Variants in MOK observed in about 807,000 individuals in gnomAD.
The protein encoded by MOK is MOK protein kinase.
MOK carries 59 observed loss-of-function variants against 54.2 expected under a neutral mutation model. The observed-to-expected ratio is 1.09, with a 90% CI of 0.88 to 1.35. The LOEUF is 1.35. Among genes scored for constraint, MOK ranks in the 40% most tolerant of loss-of-function variants. The pLI, the probability that MOK is intolerant of heterozygous loss-of-function variation, is 0.00. For missense variants in MOK, 517 were observed against 526.2 expected (o/e 0.98, Z 0.17); for synonymous variants, 210 against 202.7 (o/e 1.04, Z -0.31).
intron 3 of MOK, among the ~76,000 whole-genome samples, chr14:102,264,990 T>C (rs1363894133): frequency 2.0e-5 from 3 of 152,216 alleles, no homozygotes; most frequent in Admixed American, 6.5e-5. Context: ...GGAAGAAGGC[T>C]TCCCAGGCTC....
At chr14:102,291,899 A>T (rs902203868) in intron 1 of MOK, among the ~76,000 whole-genome samples, 1 of 151,842 alleles carries the variant, frequency 6.6e-6, no homozygotes. Context: ...CGGAGGTTGC[A>T]GTGAGCCGAG....
chr14:102,242,012 G>A (rs529238124), intron 7 of MOK, among the ~76,000 whole-genome samples: 1 of 152,120 alleles, frequency 6.6e-6, no homozygotes, highest in Non-Finnish European at 1.5e-5. Flanking sequence ...TGTCCAACTC[G>A]CCCAGCAGCC....
chr14:102,296,167 A>G (rs1597624609), intron 1 of MOK, among the ~76,000 whole-genome samples: 1 of 150,188 alleles, frequency 6.7e-6, no homozygotes. Flanking sequence ...AATCGCTTGA[A>G]CCCAGAAGGT....
intron 7 of MOK, among the ~76,000 whole-genome samples, chr14:102,248,540 A>G (rs530477220): frequency 2.6e-5 from 4 of 152,098 alleles, no homozygotes; most frequent in Non-Finnish European, 5.9e-5. Context: ...GCACTTTGGG[A>G]GGCTGAGGCG....
chr14:102,218,883 G>A, the MOK span, among the ~76,000 whole-genome samples: 32 of 152,244 alleles, frequency 2.1e-4, no homozygotes, highest in Non-Finnish European at 4.6e-4. Flanking sequence ...GCTCCCGCAC[G>A]CTGCTGAGCA....
chr14:102,300,323 C>CAAAAA (rs71468398), intron 1 of MOK, among the ~76,000 whole-genome samples: 16 of 38,442 alleles, frequency 4.2e-4, no homozygotes, highest in East Asian at 3.0e-3. Flanking sequence ...AACTCTATCT[C>CAAAAA]AAAAAAAAAA....
At chr14:102,271,474 A>C (rs1313523522) in intron 2 of MOK, among the ~76,000 whole-genome samples, 1 of 152,236 alleles carries the variant, frequency 6.6e-6, no homozygotes. Context: ...AAATACTCTT[A>C]CACAAACTTT....
the MOK span, among the ~76,000 whole-genome samples, chr14:102,217,616 A>AT: frequency 2.3e-4 from 34 of 146,598 alleles, 1 homozygote; most frequent in Admixed American, 1.8e-3. Flanking sequence ...GGCTGGGCCC[A>AT]GGGTTCCCGG....
In MOK at chr14:102,288,897, C is replaced by CTTTGT. The variant is rs569165491; in HGVS notation, c.8-5310_8-5306dup. ...CTTGTATACTTAAATGTAAGTGCAGCTTTGTTTTGTTTTGTTTTGTTTTGA... is the reference window on the plus strand; with the variant it reads ...CTTGTATACTTAAATGTAAGTGCAGCTTTGTTTTGTTTTGTTTTGTTTTGTTTTGA... On this transcript the variant is annotated intron_variant, in intron 1 of 11. Coordinates refer to ENST00000361847, the MANE Select transcript of MOK (RefSeq NM_014226.3). Among the ~76,000 whole-genome samples the CTTTGT allele has an allele frequency of 1.8e-3, 269 of 152,094 alleles. 1 individual carries two copies. Among genetic ancestry groups the CTTTGT allele is most frequent in the African/African-American group, 5.8e-3 (240 of 41,512 alleles).
chr14:102,288,714 T>G (rs1245994932), intron 1 of MOK, among the ~76,000 whole-genome samples: 1 of 152,180 alleles, frequency 6.6e-6, no homozygotes, highest in Non-Finnish European at 1.5e-5. Flanking sequence ...TTTCAATAAC[T>G]CCATTAAAAC....
intron 4 of MOK, among the ~76,000 whole-genome samples, chr14:102,258,136 G>A (rs2067117212): frequency 1.3e-5 from 2 of 152,298 alleles, no homozygotes; most frequent in East Asian, 3.9e-4. Context: ...GGTCTTCTGT[G>A]ATCGTTTTGG....
At chr14:102,281,356 G>A (rs2069409460) in intron 2 of MOK, among the ~76,000 whole-genome samples, 1 of 151,354 alleles carries the variant, frequency 6.6e-6, no homozygotes, top group African/African-American at 2.4e-5. Context: ...AATTATCTAG[G>A]CATTTGGTGG....
At chr14:102,216,890 G>A in the MOK span, among the ~76,000 whole-genome samples, 1 of 150,606 alleles carries the variant, frequency 6.6e-6, no homozygotes, top group Non-Finnish European at 1.5e-5. Flanking sequence ...TCGAGATGGC[G>A]CCACTGCACT....
Position 102,294,266 on chromosome 14 carries a change from G to GA in MOK, c.8-10675dup, listed in dbSNP as rs537676533. Among the ~76,000 whole-genome samples, 1,145 of 152,236 alleles carry GA rather than the reference G, an allele frequency of 7.5e-3. 17 individuals carry two copies. The highest frequency in any genetic ancestry group is 0.031 in the South Asian group (150 of 4,822). ...TCAACACCATCCTGGCTAACATGGTGAAACCCCGTCTCTACTAAAAATACA... is the reference window on the plus strand; with the variant it reads ...TCAACACCATCCTGGCTAACATGGTGAAAACCCCGTCTCTACTAAAAATACA... On this transcript the variant is annotated intron_variant, in intron 1 of 11. Coordinates refer to ENST00000361847, the MANE Select transcript of MOK (RefSeq NM_014226.3).
intron 7 of MOK, 32 bp from the exon 8 acceptor site, chr14:102,233,821 G>T: frequency 6.5e-7 from 1 of 1,527,826 alleles, no homozygotes; most frequent in Non-Finnish European, 9.1e-7. Context: ...TGTGGTCAGT[G>T]TTAGGGCAGA....
At chr14:102,299,280 G>A (rs759451128) in intron 1 of MOK, among the ~76,000 whole-genome samples, 4 of 152,086 alleles carry the variant, frequency 2.6e-5, no homozygotes, top group African/African-American at 9.7e-5. Flanking sequence ...TTGGGAGGCC[G>A]AGGCGGGCAG....
rs538176372 is a variant in MOK at position 102,229,219 on chromosome 14, G to A, written c.*70C>T. The A allele has an allele frequency of 1.4e-6, 2 of 1,453,296 alleles. No homozygotes were observed. Among genetic ancestry groups the A allele is most frequent in the African/African-American group, 1.4e-5 (1 of 70,542 alleles). The allele number at this position is 1,453,296 out of a possible 1,614,324, so 90.0% of individuals were successfully genotyped here. A position where few individuals can be genotyped will look rare whatever the true frequency, so the allele number is the denominator to read the frequency against. On this transcript the variant is annotated 3_prime_UTR_variant, in exon 12 of 12. Transcript: ENST00000361847. ...CCCAGCCCTCCGTGGCGTCTCAGCAGCAGATCACCCAGGCCTGGCCCGGTC... is the reference window on the plus strand; with the variant it reads ...CCCAGCCCTCCGTGGCGTCTCAGCAACAGATCACCCAGGCCTGGCCCGGTC...
intron 2 of MOK, among the ~76,000 whole-genome samples, chr14:102,273,189 A>G (rs1159255890): frequency 2.0e-5 from 3 of 151,806 alleles, no homozygotes; most frequent in Non-Finnish European, 2.9e-5. Context: ...AGTCATCAAC[A>G]TTGGGAAAGA....
In MOK at chr14:102,273,038, C is replaced by G. The variant is rs182350009; in HGVS notation, c.123-7126G>C. Among the ~76,000 whole-genome samples the G allele has an allele frequency of 3.5e-3, 528 of 152,086 alleles. 3 individuals carry two copies. Among genetic ancestry groups the G allele is most frequent in the African/African-American group, 0.012 (495 of 41,498 alleles). The stretch of plus-strand genomic sequence containing the variant: ...TACAAAAATTCGCCAGGCGTGGTGG[C>G]GGGTGCCTGTAGTCCCAGCTACTTG... On this transcript the variant is annotated intron_variant, in intron 2 of 11. Coordinates refer to ENST00000361847, the MANE Select transcript of MOK (RefSeq NM_014226.3).
Sources: allele counts gnomAD v4.1 joint callset (sites outside exome capture counted in the v4.1 genomes callset), GRCh38; gene constraint gnomAD v4.1.1; transcripts MANE v1.5; gene names NCBI Gene and HGNC (gene_info 2026-07-23, HGNC 2026-07-21).